Variants in QTMAN observed in about 807,000 individuals in gnomAD.
The protein encoded by QTMAN is tRNA-queuosine alpha-mannosyltransferase.
the QTMAN span, among the ~76,000 whole-genome samples, chr2:144,098,517 C>T: frequency 6.6e-6 from 1 of 152,110 alleles, no homozygotes; most frequent in Non-Finnish European, 1.5e-5. Context: ...AAATTCGAGA[C>T]CAGCCTGGGC....
chr2:143,982,549 T>A, the QTMAN span, among the ~76,000 whole-genome samples: 11,424 of 151,478 alleles, frequency 0.075, 787 homozygotes, highest in East Asian at 0.17. Context: ...GAACAATTTA[T>A]TTATAGCAAA....
chr2:144,194,115 T>A, the QTMAN span, among the ~76,000 whole-genome samples: 1,711 of 152,210 alleles, frequency 0.011, 28 homozygotes, highest in African/African-American at 0.037. Context: ...ATAATTTTTT[T>A]AAAAAAATTC....
At chr2:144,188,631 A>T in the QTMAN span, among the ~76,000 whole-genome samples, 1 of 152,056 alleles carries the variant, frequency 6.6e-6, no homozygotes, top group Admixed American at 6.6e-5. Context: ...GAGAATTATA[A>T]AACTTTCTGA....
the QTMAN span, among the ~76,000 whole-genome samples, chr2:144,330,440 C>A: frequency 6.6e-6 from 1 of 152,114 alleles, no homozygotes; most frequent in Non-Finnish European, 1.5e-5. Context: ...ATGACTAAAC[C>A]ACGGTTTATA....
the QTMAN span, among the ~76,000 whole-genome samples, chr2:144,177,821 A>G: frequency 6.2e-3 from 937 of 152,344 alleles, 12 homozygotes; most frequent in African/African-American, 0.021. Flanking sequence ...ATTTTCTAGT[A>G]GCCATTAAAA....
chr2:143,988,210 A>G, the QTMAN span, among the ~76,000 whole-genome samples: 5 of 152,212 alleles, frequency 3.3e-5, no homozygotes, highest in African/African-American at 4.8e-5. Flanking sequence ...CTTGGGTGAG[A>G]TAAAGGAGTT....
At chr2:143,938,165 T>C in the QTMAN span, 3 of 152,192 alleles carry the variant, frequency 2.0e-5, no homozygotes, top group African/African-American at 7.2e-5. Context: ...CCAGGGAACA[T>C]AGCTGCAAGC....
At chr2:144,071,544 A>T in the QTMAN span, among the ~76,000 whole-genome samples, 1 of 152,144 alleles carries the variant, frequency 6.6e-6, no homozygotes, top group Non-Finnish European at 1.5e-5. Flanking sequence ...TGCCTAAATA[A>T]ACTGATTTGA....
the QTMAN span, among the ~76,000 whole-genome samples, chr2:144,089,184 G>C: frequency 6.6e-6 from 1 of 151,974 alleles, no homozygotes; most frequent in African/African-American, 2.4e-5. Context: ...AAGAAGACAT[G>C]CAACAGGTCA....
chr2:144,089,921 C>G, the QTMAN span, among the ~76,000 whole-genome samples: 1 of 151,956 alleles, frequency 6.6e-6, no homozygotes, highest in Non-Finnish European at 1.5e-5. Flanking sequence ...ACACTAAATA[C>G]AATGACTTGA....
chr2:143,980,754 T>C, the QTMAN span, among the ~76,000 whole-genome samples: 1 of 152,234 alleles, frequency 6.6e-6, no homozygotes, highest in Non-Finnish European at 1.5e-5. Flanking sequence ...CGTCATATCT[T>C]AACATCGCTG....
chr2:144,012,070 A>C, the QTMAN span, among the ~76,000 whole-genome samples: 1 of 151,922 alleles, frequency 6.6e-6, no homozygotes, highest in Non-Finnish European at 1.5e-5. Context: ...TAGCCATGGG[A>C]TCTCCACCCC....
chr2:144,001,889 A>G, the QTMAN span, among the ~76,000 whole-genome samples: 8 of 152,060 alleles, frequency 5.3e-5, no homozygotes, highest in African/African-American at 1.9e-4. Flanking sequence ...GGCAATTCCA[A>G]TGGCTGGTGG....
At chr2:144,241,418 G>A in the QTMAN span, among the ~76,000 whole-genome samples, 1 of 152,052 alleles carries the variant, frequency 6.6e-6, no homozygotes, top group Non-Finnish European at 1.5e-5. Context: ...CTTTAACGTC[G>A]AATGTGTGCC....
chr2:144,153,045 C>T, the QTMAN span, among the ~76,000 whole-genome samples: 3 of 151,962 alleles, frequency 2.0e-5, no homozygotes, highest in Non-Finnish European at 4.4e-5. Context: ...CCTGAGTTCT[C>T]GGGACTAAAA....
the QTMAN span, among the ~76,000 whole-genome samples, chr2:144,133,196 T>A: frequency 8.6e-5 from 4 of 46,596 alleles, no homozygotes; most frequent in Non-Finnish European, 1.6e-4. Flanking sequence ...TAAATTTATA[T>A]ATATATATTT....
At chr2:144,307,839 AC>A in the QTMAN span, among the ~76,000 whole-genome samples, 51 of 152,300 alleles carry the variant, frequency 3.3e-4, 1 homozygote, top group Middle Eastern at 3.4e-3. Context: ...TGAAAGAATA[AC>A]TAAATTGAGG....
chr2:144,274,386 T>C, the QTMAN span, among the ~76,000 whole-genome samples: 1 of 152,204 alleles, frequency 6.6e-6, no homozygotes, highest in East Asian at 1.9e-4. Context: ...TGATTCTTAC[T>C]AGGCTCCTGG....
chr2:144,261,596 A>C, the QTMAN span, among the ~76,000 whole-genome samples: 2 of 152,230 alleles, frequency 1.3e-5, no homozygotes, highest in African/African-American at 2.4e-5. Context: ...CTCAAAGGTG[A>C]TGCAAACTGC....
Sources: gnomAD v4.1 joint callset for allele counts (sites outside exome capture counted in the v4.1 genomes callset) on GRCh38, gnomAD v4.1.1 for gene constraint, MANE v1.5 for transcripts, NCBI Gene and HGNC (gene_info 2026-07-23, HGNC 2026-07-21) for gene names.